SNTG2: variants seen among roughly 807,000 people sequenced by gnomAD.
SNTG2 encodes the protein syntrophin gamma 2, also known as gamma-2-syntrophin.
Under a neutral mutation model 70.9 loss-of-function variants are expected in SNTG2, and 74 were observed. The ratio of observed to expected loss-of-function variants is 1.04; its 90% CI spans 0.86 to 1.27. The LOEUF (loss-of-function observed/expected upper bound fraction) is 1.27, where lower values mean the gene tolerates loss of function less well. Among genes scored for constraint, SNTG2 ranks in the 50% most tolerant of loss-of-function variants. The pLI is 0.00. For synonymous variants in SNTG2, 278 were observed against 273.8 expected (o/e 1.02, Z -0.15); for missense variants, 717 against 690.7 (o/e 1.04, Z -0.43).
chr2:1,244,665 C>A (rs889591364), intron 11 of SNTG2, among the ~76,000 whole-genome samples: 5 of 138,516 alleles, frequency 3.6e-5, no homozygotes, highest in Admixed American at 3.1e-4. Flanking sequence ...CACTGCACTC[C>A]AGCCTGGGTG....
chr2:1,136,961 A>G (rs755258199), intron 4 of SNTG2, among the ~76,000 whole-genome samples: 1 of 152,212 alleles, frequency 6.6e-6, no homozygotes, highest in Non-Finnish European at 1.5e-5. Flanking sequence ...TTCCTTGTTT[A>G]TTGCACACTT....
Position 1,138,942 on chromosome 2 carries a change from T to G in SNTG2, c.411+1133T>G, listed in dbSNP as rs1401288441. Among the ~76,000 whole-genome samples, 4 of 152,138 alleles carry G rather than the reference T, an allele frequency of 2.6e-5. No individual in the cohort carries two copies. The East Asian group carries it at 7.7e-4, about 29-fold the overall frequency. On this transcript the variant is annotated intron_variant, in intron 6 of 16. Coordinates refer to ENST00000308624, the MANE Select transcript of SNTG2 (RefSeq NM_018968.4). Reference sequence around the variant, plus strand: ...AGTCTGTAACTAAACGGGGAATCACTTCCTACACGCTCACTCAGAATTCAT... The same window carrying G: ...AGTCTGTAACTAAACGGGGAATCACGTCCTACACGCTCACTCAGAATTCAT...
chr2:970,666 C>G, intron 1 of SNTG2, among the ~76,000 whole-genome samples: 2 of 144,414 alleles, frequency 1.4e-5, no homozygotes, highest in Admixed American at 7.1e-5. Flanking sequence ...TCCAGTCTAT[C>G]ATTGTTGGAC....
At chr2:1,361,252 A>G (rs967445305) in intron 16 of SNTG2, among the ~76,000 whole-genome samples, 1 of 152,212 alleles carries the variant, frequency 6.6e-6, no homozygotes, top group Non-Finnish European at 1.5e-5. Flanking sequence ...TCCACCAACA[A>G]TAAGAAAATT....
In SNTG2 at chr2:1,120,352, A is replaced by G. The variant is rs961328893; in HGVS notation, c.326-17270A>G. Among the ~76,000 whole-genome samples, 4 of 152,326 alleles carry G rather than the reference A, an allele frequency of 2.6e-5. No homozygotes were observed. In the East Asian group the frequency reaches 7.7e-4, roughly 29 times the overall value. Reference sequence around the variant, plus strand: ...TCCTTATCTATCAATCACCTTGAATATTACCAACAACAAGAAAATGAGAGA... The same window carrying G: ...TCCTTATCTATCAATCACCTTGAATGTTACCAACAACAAGAAAATGAGAGA... On this transcript the variant is annotated intron_variant, in intron 4 of 16. Coordinates refer to ENST00000308624, the MANE Select transcript of SNTG2 (RefSeq NM_018968.4).
intron 15 of SNTG2, among the ~76,000 whole-genome samples, chr2:1,313,513 G>C (rs1681114144): frequency 1.3e-5 from 2 of 152,230 alleles, no homozygotes; most frequent in African/African-American, 4.8e-5. Flanking sequence ...GCTCAGAATT[G>C]TGAAATTAAA....
intron 9 of SNTG2, among the ~76,000 whole-genome samples, chr2:1,217,205 A>C (rs1674452262): frequency 6.6e-6 from 1 of 152,192 alleles, no homozygotes; most frequent in African/African-American, 2.4e-5. Context: ...GATACAAATC[A>C]CATGTAATAA....
chr2:1,181,954 G>C (rs538877921), intron 8 of SNTG2, among the ~76,000 whole-genome samples: 1 of 152,222 alleles, frequency 6.6e-6, no homozygotes, highest in Non-Finnish European at 1.5e-5. Context: ...AGGTTTGGAA[G>C]TACAGAATCC....
intron 1 of SNTG2, among the ~76,000 whole-genome samples, chr2:1,037,554 T>C (rs1476436314): frequency 6.6e-6 from 1 of 152,180 alleles, no homozygotes; most frequent in African/African-American, 2.4e-5. Flanking sequence ...TTTGCCTCTC[T>C]GGATTTGCGA....
rs200553212 is a variant in SNTG2, at chr2:1,045,359, A to G, written c.73-38159A>G. ...AAACTTTTGGTTTCGTTCATCTCCT[A>G]TGGTTTTTCACATCTCAGTTTCATT... On this transcript the variant is annotated intron_variant, in intron 1 of 16. Transcript: ENST00000308624. Among the ~76,000 whole-genome samples, 10 of 151,668 alleles carry G rather than the reference A, an allele frequency of 6.6e-5. No individual in the cohort carries two copies. The East Asian group carries it at 1.7e-3, about 26-fold the overall frequency.
At chr2:999,585 A>G (rs984712735) in intron 1 of SNTG2, among the ~76,000 whole-genome samples, 1 of 152,082 alleles carries the variant, frequency 6.6e-6, no homozygotes, top group Non-Finnish European at 1.5e-5. Context: ...ATTCCACAGG[A>G]AGCTATAACA....
intron 16 of SNTG2, among the ~76,000 whole-genome samples, chr2:1,331,756 C>T (rs1659544535): frequency 6.6e-6 from 1 of 152,170 alleles, no homozygotes; most frequent in African/African-American, 2.4e-5. Flanking sequence ...TCATCGTTTT[C>T]TTATTTTAAG....
chr2:1,329,741 G>A (rs971982594), intron 16 of SNTG2, among the ~76,000 whole-genome samples: 1 of 152,214 alleles, frequency 6.6e-6, no homozygotes, highest in African/African-American at 2.4e-5. Context: ...TTATTAATGA[G>A]TGCTGTACGC....
At chr2:965,213 ATCC>A (rs1217146306) in intron 1 of SNTG2, among the ~76,000 whole-genome samples, 2 of 64,228 alleles carry the variant, frequency 3.1e-5, no homozygotes, top group East Asian at 8.8e-4. Flanking sequence ...CTGGTCCCCA[ATCC>A]TCCTCCTGGT....
At chr2:1,357,960 CA>C (rs1364413734) in intron 16 of SNTG2, among the ~76,000 whole-genome samples, 1 of 152,008 alleles carries the variant, frequency 6.6e-6, no homozygotes, top group East Asian at 1.9e-4. Flanking sequence ...AAACAACAGA[CA>C]TTTATTTCTT....
intron 9 of SNTG2, among the ~76,000 whole-genome samples, chr2:1,209,890 T>C (rs1311499093): frequency 6.6e-6 from 1 of 152,042 alleles, no homozygotes; most frequent in South Asian, 2.1e-4. Context: ...GAATTTTTTT[T>C]AATTGAGCAC....
intron 16 of SNTG2, among the ~76,000 whole-genome samples, chr2:1,356,662 T>C (rs1394392118): frequency 6.6e-6 from 1 of 152,216 alleles, no homozygotes; most frequent in Non-Finnish European, 1.5e-5. Flanking sequence ...CAGGATTTTT[T>C]GTGGTTTCAT....
At chr2:1,010,908 G>A (rs891990048) in intron 1 of SNTG2, among the ~76,000 whole-genome samples, 9 of 152,186 alleles carry the variant, frequency 5.9e-5, no homozygotes, top group African/African-American at 2.2e-4. Flanking sequence ...AGAGTCTTCC[G>A]ACTCTGGACA....
At chr2:977,217 GTTTTA>G (rs943700512) in intron 1 of SNTG2, among the ~76,000 whole-genome samples, 1 of 152,210 alleles carries the variant, frequency 6.6e-6, no homozygotes, top group Non-Finnish European at 1.5e-5. Flanking sequence ...GATTGTCCTA[GTTTTA>G]TTTTATGTGC....
Sources: allele counts gnomAD v4.1 joint callset (sites outside exome capture counted in the v4.1 genomes callset), GRCh38; gene constraint gnomAD v4.1.1; transcripts MANE v1.5; gene names NCBI Gene and HGNC (gene_info 2026-07-23, HGNC 2026-07-21).